Variants in FRMD8 observed in about 807,000 individuals in gnomAD.
The protein encoded by FRMD8 is FERM domain-containing protein 8.
In FRMD8, 37 loss-of-function variants were observed where a neutral mutation model predicts 54.2. The observed-to-expected ratio is 0.68, with a 90% CI of 0.53 to 0.90. The LOEUF (loss-of-function observed/expected upper bound fraction) is 0.90. Ranked by LOEUF, FRMD8 falls within the 40% of genes least tolerant of loss-of-function variation. The pLI is 0.00. For synonymous variants in FRMD8, 246 were observed against 286.9 expected (o/e 0.86, Z 1.44); for missense variants, 585 against 653.7 (o/e 0.89, Z 1.15).
At chr11:65,383,153 C>A (rs750840324), upstream of FRMD8, 3 of 152,592 alleles carry the variant, frequency 2.0e-5, no homozygotes, top group Non-Finnish European at 4.4e-5. Flanking sequence ...CCCAGTGACA[C>A]CTGCACCCTC....
the FRMD8 span, among the ~76,000 whole-genome samples, chr11:65,371,332 T>C: frequency 6.6e-6 from 1 of 152,106 alleles, no homozygotes; most frequent in East Asian, 1.9e-4. Context: ...TGGAATTTCT[T>C]CAGCTGTGGT....
rs983187171 is a variant in FRMD8, at chr11:65,404,034, TC to T, written c.1072-828del. On this transcript the variant is annotated intron_variant, in intron 9 of 10. Coordinates refer to ENST00000317568, the MANE Select transcript of FRMD8 (RefSeq NM_031904.5). The surrounding 1 kb of genome is among the most constrained non-coding windows in gnomAD (Gnocchi z 4.7). The stretch of plus-strand genomic sequence containing the variant: ...GGAGAGCCCACCAGGCCTCTGCTCT[TC>T]CTTCTGGGCCGAGCAGCGGTGCCCA... Among the ~76,000 whole-genome samples the T allele has an allele frequency of 3.3e-5, 5 of 152,264 alleles. No homozygotes were observed. The South Asian group carries it at 8.3e-4, about 25-fold the overall frequency.
intron 3 of FRMD8, among the ~76,000 whole-genome samples, chr11:65,389,800 G>A (rs1427637034): frequency 6.6e-6 from 1 of 152,120 alleles, no homozygotes; most frequent in African/African-American, 2.4e-5. Flanking sequence ...GGGTGGTCCA[G>A]GAACAGTACC....
chr11:65,380,639 G>A, the FRMD8 span: 1 of 1,286,932 alleles, frequency 7.8e-7, no homozygotes, highest in Non-Finnish European at 1.0e-6. Context: ...GGCCCTGATG[G>A]GGGTCATGCC....
chr11:65,389,256 A>G, intron 2 of FRMD8, 105 bp from the exon 3 acceptor site: 1 of 1,079,706 alleles, frequency 9.3e-7, no homozygotes, highest in African/African-American at 1.5e-5. Context: ...TGAGGGGTGT[A>G]GGGTGGGGGC....
At chr11:65,381,560 CT>C in the FRMD8 span, 473 of 84,630 alleles carry the variant, frequency 5.6e-3, no homozygotes, top group African/African-American at 0.013. Context: ...TGCCCTGATT[CT>C]TTTTTTTTTT....
rs147753478 is a variant in FRMD8 at position 65,400,759 on chromosome 11, G to A, written c.963G>A (p.Ser321=). Residue 321 remains serine, a synonymous_variant, in exon 9 of 11, where the codon TCG becomes TCA. Transcript: ENST00000317568. This position sits in a 1 kb window ranked among gnomAD's most constrained non-coding sequence, Gnocchi z 4.3. The part of the protein sequence containing the change: ...VLLGLRFQEL[S]WDHTSPEEEE... ...TGGGCCTGCGCTTCCAGGAGCTGTC[G>A]TGGGACCACACCTCCCCCGAGGAGG... 871 of 1,608,910 alleles carry A rather than the reference G, an allele frequency of 5.4e-4. 4 individuals carry two copies. In the African/African-American group the frequency reaches 0.01, roughly 19 times the overall value.
chr11:65,396,608 T>A (rs954936446), intron 6 of FRMD8, among the ~76,000 whole-genome samples, 191 bp from the exon 7 acceptor site: 1 of 152,138 alleles, frequency 6.6e-6, no homozygotes, highest in Non-Finnish European at 1.5e-5. Flanking sequence ...AGTCTGCCCT[T>A]CGGAGGGGGG....
the FRMD8 span, chr11:65,380,744 G>C: frequency 2.2e-6 from 1 of 455,116 alleles, no homozygotes; most frequent in Non-Finnish European, 3.7e-6. Context: ...GTTTGGGGGA[G>C]GTCGCACCCC....
chr11:65,393,736 C>G, intron 4 of FRMD8, 62 bp downstream of exon 4: 2 of 1,381,490 alleles, frequency 1.4e-6, no homozygotes, highest in Non-Finnish European at 2.0e-6. Context: ...CTCTGGCTCC[C>G]AGCCCAGCCA....
At position 65,396,661 on chromosome 11, in the gene FRMD8, T is replaced by C. The variant is rs111283028; in HGVS notation, c.582-138T>C. ...TCTGTCTGGTGCCTGGGTCTCCCCT[T>C]GTGGGCTCCTTACCCAGCCTCTGAC... On this transcript the variant is annotated intron_variant, in intron 6 of 10. Coordinates refer to ENST00000317568, the MANE Select transcript of FRMD8 (RefSeq NM_031904.5). The C allele has an allele frequency of 2.3e-4, 124 of 541,338 alleles. 2 individuals carry two copies. The highest frequency in any genetic ancestry group is 1.9e-3 in the African/African-American group (95 of 50,738). The allele number at this position is 541,338 out of a possible 1,614,324, so 33.5% of individuals were successfully genotyped here. A position where few individuals can be genotyped will look rare whatever the true frequency, so the allele number is the denominator to read the frequency against.
the FRMD8 span, among the ~76,000 whole-genome samples, chr11:65,371,092 G>A: frequency 1.3e-5 from 2 of 152,164 alleles, no homozygotes; most frequent in Admixed American, 1.3e-4. Context: ...AGACAGCAGT[G>A]TGGGCCTGGC....
intron 3 of FRMD8, among the ~76,000 whole-genome samples, chr11:65,392,739 G>A (rs930219296): frequency 1.3e-5 from 2 of 152,160 alleles, no homozygotes; most frequent in Admixed American, 6.5e-5. Context: ...TGGCAGCAGC[G>A]AGGAATGTCA....
chr11:65,406,009 A>T (rs1017963538), intron 10 of FRMD8, among the ~76,000 whole-genome samples: 100 of 151,320 alleles, frequency 6.6e-4, no homozygotes, highest in African/African-American at 2.4e-3. Flanking sequence ...CTATATATAT[A>T]TATTTTTTTT....
chr11:65,382,267 C>T (rs543182015), upstream of FRMD8: 8 of 444,460 alleles, frequency 1.8e-5, no homozygotes, highest in Admixed American at 6.9e-5. The surrounding 1 kb of genome is among the most constrained non-coding windows in gnomAD (Gnocchi z 4.4). Context: ...GCCCCATGGT[C>T]GGGCCCCTCC....
the FRMD8 span, chr11:65,376,851 A>G: frequency 6.2e-7 from 1 of 1,614,220 alleles, no homozygotes; most frequent in Non-Finnish European, 8.5e-7. Flanking sequence ...TACTGGCGAC[A>G]GAGCCCTTCA....
At chr11:65,376,844 T>C in the FRMD8 span, 7 of 1,614,240 alleles carry the variant, frequency 4.3e-6, no homozygotes, top group Non-Finnish European at 5.9e-6. Context: ...TGGTGTGTAC[T>C]GGCGACAGAG....
chr11:65,372,310 G>A, the FRMD8 span, among the ~76,000 whole-genome samples: 1 of 152,116 alleles, frequency 6.6e-6, no homozygotes, highest in South Asian at 2.1e-4. Context: ...GGGCCACTGT[G>A]CAGGAGTGAG....
At chr11:65,374,553 T>C in the FRMD8 span, among the ~76,000 whole-genome samples, 2 of 152,178 alleles carry the variant, frequency 1.3e-5, no homozygotes, top group Non-Finnish European at 2.9e-5. Context: ...CACCATGAGG[T>C]GGACTCACGT....
Sources: gnomAD v4.1 joint callset for allele counts (sites outside exome capture counted in the v4.1 genomes callset) on GRCh38, gnomAD v4.1.1 for gene constraint, Gnocchi (gnomAD v3.1) non-coding constraint, MANE v1.5 for transcripts, NCBI Gene and HGNC (gene_info 2026-07-23, HGNC 2026-07-21) for gene names.